PRELID2: variants seen among roughly 807,000 people sequenced by gnomAD.
PRELID2 encodes the protein PRELI domain-containing protein 2.
In PRELID2, 25 loss-of-function variants were observed where a neutral mutation model predicts 28.4. The ratio of observed to expected loss-of-function variants is 0.88; its 90% CI spans 0.64 to 1.23. The LOEUF is 1.23. Among genes scored for constraint, PRELID2 ranks in the 50% most tolerant of loss-of-function variants. PRELID2 has a pLI of 0.00. For missense variants in PRELID2, 201 were observed against 214.4 expected (o/e 0.94, Z 0.39); for synonymous variants, 76 against 71.6 (o/e 1.06, Z -0.31).
At chr5:145,363,918 T>G in the PRELID2 span, among the ~76,000 whole-genome samples, 1 of 152,162 alleles carries the variant, frequency 6.6e-6, no homozygotes, top group Admixed American at 6.6e-5. Context: ...ACATTTAAAC[T>G]TTCAGTAGAA....
the PRELID2 span, among the ~76,000 whole-genome samples, chr5:145,350,954 T>C: frequency 6.6e-6 from 1 of 152,168 alleles, no homozygotes; most frequent in Non-Finnish European, 1.5e-5. Context: ...TGTGTAATGA[T>C]AGTAGCAGGC....
the PRELID2 span, among the ~76,000 whole-genome samples, chr5:145,251,833 TG>T: frequency 2.0e-5 from 3 of 152,078 alleles, no homozygotes; most frequent in Middle Eastern, 3.2e-3. Context: ...CCTGGGAGCC[TG>T]GCCTCTGCCT....
chr5:145,524,890 A>G (rs1397405473), intron 1 of PRELID2, among the ~76,000 whole-genome samples: 1 of 152,138 alleles, frequency 6.6e-6, no homozygotes, highest in Admixed American at 6.5e-5. Context: ...TTACTGTGAG[A>G]CTAAGTGTCA....
the PRELID2 span, among the ~76,000 whole-genome samples, chr5:145,363,361 AT>A: frequency 6.6e-6 from 1 of 152,074 alleles, no homozygotes; most frequent in African/African-American, 2.4e-5. Flanking sequence ...CTATGGGATT[AT>A]TGTGACAGCC....
chr5:145,674,345 G>A (rs1468307795), intron 1 of PRELID2, among the ~76,000 whole-genome samples: 1 of 150,996 alleles, frequency 6.6e-6, no homozygotes, highest in Non-Finnish European at 1.5e-5. Context: ...GGTGTGTGAT[G>A]TTCCCCACCG....
At chr5:145,373,956 G>GATATTATATA in the PRELID2 span, among the ~76,000 whole-genome samples, 2 of 139,870 alleles carry the variant, frequency 1.4e-5, no homozygotes, top group African/African-American at 5.3e-5. Context: ...GATATTATAT[G>GATATTATATA]TTATAACATA....
chr5:145,620,259 A>G (rs1241968319), intron 1 of PRELID2, among the ~76,000 whole-genome samples: 2 of 152,224 alleles, frequency 1.3e-5, no homozygotes, highest in African/African-American at 4.8e-5. Context: ...GTGAAACACC[A>G]AAGCATAACT....
At chr5:145,231,446 G>C in the PRELID2 span, among the ~76,000 whole-genome samples, 4 of 152,090 alleles carry the variant, frequency 2.6e-5, no homozygotes, top group East Asian at 1.9e-4. Context: ...TACACTGAGG[G>C]AGAGAGTCAG....
At chr5:145,719,257 G>C (rs547335871) in intron 1 of PRELID2, among the ~76,000 whole-genome samples, 12 of 152,006 alleles carry the variant, frequency 7.9e-5, no homozygotes, top group African/African-American at 2.9e-4. Context: ...AAATCACCCT[G>C]AGAAAGAGAA....
the PRELID2 span, among the ~76,000 whole-genome samples, chr5:145,291,883 T>C: frequency 1.8e-4 from 27 of 152,202 alleles, no homozygotes; most frequent in African/African-American, 6.0e-4. Context: ...GAAATGACTA[T>C]CCTTTCTTGA....
At chr5:145,395,630 A>G in the PRELID2 span, among the ~76,000 whole-genome samples, 1 of 152,216 alleles carries the variant, frequency 6.6e-6, no homozygotes, top group African/African-American at 2.4e-5. Flanking sequence ...ATAAAGGACG[A>G]ACACGTTTGG....
At chr5:145,800,302 A>G (rs1469856880) in intron 4 of PRELID2, among the ~76,000 whole-genome samples, 1 of 4,212 alleles carries the variant, frequency 2.4e-4, no homozygotes, top group South Asian at 7.0e-3. Context: ...CCCTTCTCTT[A>G]CACACACACA....
At chr5:145,830,645 T>C (rs183398977) in intron 1 of PRELID2, among the ~76,000 whole-genome samples, 1 of 152,360 alleles carries the variant, frequency 6.6e-6, no homozygotes, top group East Asian at 1.9e-4. Context: ...CTATAGTTCT[T>C]GGAAAGTACA....
At chr5:145,701,064 C>T (rs1755394712) in intron 1 of PRELID2, among the ~76,000 whole-genome samples, 1 of 152,218 alleles carries the variant, frequency 6.6e-6, no homozygotes. Flanking sequence ...AGGCTCAGGC[C>T]AGTGGCCGAA....
intron 1 of PRELID2, chr5:145,704,216 G>A (rs1755482213): frequency 6.6e-6 from 1 of 152,140 alleles, no homozygotes; most frequent in South Asian, 2.1e-4. Context: ...CTCCACTGAT[G>A]GATCAAAACT....
intron 1 of PRELID2, among the ~76,000 whole-genome samples, chr5:145,696,477 A>G (rs1232663992): frequency 6.6e-6 from 1 of 152,044 alleles, no homozygotes; most frequent in African/African-American, 2.4e-5. Context: ...TCTCTAAAAT[A>G]TCTTTTTGAG....
At chr5:145,754,101 A>T (rs760487719), downstream of PRELID2, 3 of 152,204 alleles carry the variant, frequency 2.0e-5, no homozygotes, top group Non-Finnish European at 2.9e-5. Context: ...AACAGCTTGA[A>T]GGTAAAAAAC....
intron 1 of PRELID2, among the ~76,000 whole-genome samples, chr5:145,539,679 GTATT>G (rs1752730572): frequency 6.6e-6 from 1 of 151,100 alleles, no homozygotes; most frequent in African/African-American, 2.4e-5. Context: ...ATTTCCAAAA[GTATT>G]TATAATACTG....
intron 1 of PRELID2, among the ~76,000 whole-genome samples, chr5:145,826,417 C>T (rs1287998769): frequency 2.0e-5 from 3 of 152,098 alleles, no homozygotes; most frequent in Admixed American, 2.0e-4. Flanking sequence ...GAGAACGATC[C>T]CACAGGCTGC....
Sources: allele counts gnomAD v4.1 joint callset (sites outside exome capture counted in the v4.1 genomes callset), GRCh38; gene constraint gnomAD v4.1.1; transcripts MANE v1.5; gene names NCBI Gene and HGNC (gene_info 2026-07-23, HGNC 2026-07-21).